The following ARID2 variants were observed in gnomAD, a reference collection of about 807,000 sequenced individuals.
The protein encoded by ARID2 is AT-rich interaction domain 2.
Under a neutral mutation model 184.6 loss-of-function variants are expected in ARID2, and 32 were observed. That is an observed-to-expected ratio of 0.17 (90% CI 0.13 to 0.23). The LOEUF is 0.23. ARID2 is among the 10% of genes least tolerant of loss of function. The pLI is 1.00. For missense variants in ARID2, 1,696 were observed against 2,197.6 expected (o/e 0.77, Z 4.56); for synonymous variants, 836 against 772.6 (o/e 1.08, Z -1.36).
At chr12:45,880,028 C>T (rs1944074178) in intron 16 of ARID2, among the ~76,000 whole-genome samples, 1 of 152,056 alleles carries the variant, frequency 6.6e-6, no homozygotes, top group Non-Finnish European at 1.5e-5. Context: ...TTAAGAAAGG[C>T]CCTCTACCTT....
At chr12:45,849,811 G>C (rs1246351248) in intron 14 of ARID2, 35 bp downstream of exon 14, 1 of 1,562,392 alleles carries the variant, frequency 6.4e-7, no homozygotes, top group South Asian at 1.2e-5. Context: ...AAGTATTACT[G>C]ATTTAATAAT....
Position 45,851,190 on chromosome 12 carries a change from C to T in ARID2, c.3067C>T (p.Pro1023Ser). ...GCAGCAACATTCACCAGCACCCCCA[C>T]CACAGCAGGTACAAGTACAAGTTCA... ...QQQQHSPAPP[P>S]QQVQVQVQQP... Residue 1023 changes from proline to serine, a missense_variant, in exon 15 of 21, where the codon CCA (proline) becomes TCA (serine). By Grantham distance (74) the Pro-to-Ser change is moderately conservative (BLOSUM62 -1). Around this residue, in one of 11 missense-constraint regions of ARID2, gnomAD observed 713 missense variants for 824.4 expected, o/e 0.86. Coordinates refer to ENST00000334344, the MANE Select transcript of ARID2 (RefSeq NM_152641.4). 2.5e-6 allele frequency: 4 copies of T among 1,614,142 alleles called. No individual in the cohort carries two copies. The highest frequency in any genetic ancestry group is 3.4e-6 in the Non-Finnish European group (4 of 1,180,012).
At chr12:45,825,694 C>T (rs981009189) in intron 6 of ARID2, among the ~76,000 whole-genome samples, 9 of 152,018 alleles carry the variant, frequency 5.9e-5, no homozygotes, top group Non-Finnish European at 1.3e-4. Flanking sequence ...GAGACCTCGT[C>T]TCTACAAAGA....
intron 4 of ARID2, among the ~76,000 whole-genome samples, chr12:45,814,508 GGT>G (rs1942770251): frequency 6.6e-6 from 1 of 152,112 alleles, no homozygotes; most frequent in South Asian, 2.1e-4. Flanking sequence ...AAATTGGCCA[GGT>G]GTGGTGTCGC....
intron 3 of ARID2, among the ~76,000 whole-genome samples, chr12:45,758,023 G>A (rs1449085894): frequency 6.6e-6 from 1 of 152,178 alleles, no homozygotes; most frequent in Non-Finnish European, 1.5e-5. Flanking sequence ...TGAATTCCCT[G>A]TGAAGACAAA....
chr12:45,773,738 T>G, intron 3 of ARID2, among the ~76,000 whole-genome samples: 1 of 152,178 alleles, frequency 6.6e-6, no homozygotes, highest in East Asian at 1.9e-4. Context: ...TTGAGTTAAT[T>G]ATTATTTTTT....
chr12:45,841,300 T>C (rs1235649730), intron 11 of ARID2: 1 of 152,180 alleles, frequency 6.6e-6, no homozygotes, highest in Non-Finnish European at 1.5e-5. Flanking sequence ...TTGGTCCTCA[T>C]TTGGCAAATG....
intron 16 of ARID2, among the ~76,000 whole-genome samples, chr12:45,891,133 C>T (rs1471718203): frequency 6.6e-6 from 1 of 151,326 alleles, no homozygotes; most frequent in African/African-American, 2.4e-5. Flanking sequence ...CCACTGCACT[C>T]CAGCCTGGCG....
At chr12:45,786,982 G>A (rs1296004315) in intron 3 of ARID2, among the ~76,000 whole-genome samples, 2 of 152,192 alleles carry the variant, frequency 1.3e-5, no homozygotes, top group South Asian at 2.1e-4. Flanking sequence ...GAGGCTGGAA[G>A]TTGTGGAGAT....
intron 3 of ARID2, among the ~76,000 whole-genome samples, chr12:45,774,666 T>G (rs1218884618): frequency 6.6e-6 from 1 of 152,182 alleles, no homozygotes; most frequent in Non-Finnish European, 1.5e-5. Flanking sequence ...CCTCCAAAGT[T>G]TCTAAACGTT....
intron 3 of ARID2, among the ~76,000 whole-genome samples, chr12:45,733,538 T>A (rs1464303724): frequency 6.6e-6 from 1 of 152,240 alleles, no homozygotes; most frequent in Non-Finnish European, 1.5e-5. Flanking sequence ...AATAATTTTT[T>A]AATATGAACT....
chr12:45,895,035 A>C, intron 20 of ARID2, among the ~76,000 whole-genome samples: 1 of 152,196 alleles, frequency 6.6e-6, no homozygotes, highest in Non-Finnish European at 1.5e-5. Context: ...CAGTTCAGAC[A>C]TGAGTTTCTT....
intron 16 of ARID2, among the ~76,000 whole-genome samples, chr12:45,875,929 C>T (rs1407517596): frequency 6.6e-6 from 1 of 152,262 alleles, no homozygotes; most frequent in Non-Finnish European, 1.5e-5. Context: ...GGCTCTTTCA[C>T]TTTCCTGACA....
intron 2 of ARID2, 68 bp from the exon 3 acceptor site, chr12:45,731,148 TA>T (rs1264828781): frequency 8.7e-7 from 1 of 1,153,632 alleles, no homozygotes; most frequent in Admixed American, 1.7e-5. Context: ...AATGGGTATT[TA>T]TTTCATAGTT....
At chr12:45,828,154 A>G (rs2138109751) in intron 6 of ARID2, among the ~76,000 whole-genome samples, 1 of 152,162 alleles carries the variant, frequency 6.6e-6, no homozygotes, top group East Asian at 1.9e-4. Context: ...ACACCTCTGA[A>G]GTACGCCTAT....
chr12:45,796,061 T>G (rs1414022999), intron 3 of ARID2, among the ~76,000 whole-genome samples: 8 of 151,966 alleles, frequency 5.3e-5, no homozygotes, highest in Admixed American at 2.6e-4. Context: ...TTAGATTTCT[T>G]TTTTTAAACC....
At position 45,896,360 on chromosome 12, in the gene ARID2, G is replaced by A. The variant is rs546015674; in HGVS notation, c.5363+2639G>A. Among the ~76,000 whole-genome samples the A allele has an allele frequency of 9.2e-5, 14 of 152,260 alleles. No homozygotes were observed. The East Asian group carries it at 1.4e-3, about 15-fold the overall frequency. On this transcript the variant is annotated intron_variant, in intron 20 of 20. Transcript: ENST00000334344. ...CAGTTTTCCAAAAGAAGGCTGATGC[G>A]GTTTGGCTGTGTCCCCACCCAGATC...
chr12:45,890,252 G>A (rs1351398658), intron 16 of ARID2, among the ~76,000 whole-genome samples: 1 of 152,182 alleles, frequency 6.6e-6, no homozygotes, highest in Non-Finnish European at 1.5e-5. Flanking sequence ...ATTGATTTAA[G>A]GAAGTGCTAT....
chr12:45,850,524 A>G lies in ARID2; in HGVS notation c.2401A>G (p.Met801Val), dbSNP rs2138162751. 1 of 1,614,066 alleles carries G rather than the reference A, an allele frequency of 6.2e-7. No individual in the cohort carries two copies. The highest frequency in any genetic ancestry group is 8.5e-7 in the Non-Finnish European group (1 of 1,179,982). ...TCAACAAGCTGTCCCACAGAGTCAT[A>G]TGTTTGGCAGAGTACAGAACATACC... ...VIQQAVPQSH[M>V]FGRVQNIPAC... is the part of the protein sequence containing the mutation. Residue 801 changes from methionine to valine, a missense_variant, in exon 15 of 21, where the codon ATG (methionine) becomes GTG (valine). Met to Val is a conservative substitution (Grantham distance 21). This residue lies in a region of ARID2 where 713 missense variants were observed against 824.4 expected (regional missense o/e 0.86). Transcript: ENST00000334344.
Sources: allele counts gnomAD v4.1 joint callset (sites outside exome capture counted in the v4.1 genomes callset), GRCh38; gene constraint gnomAD v4.1.1; regional missense constraint gnomAD v4.1.1; transcripts MANE v1.5; gene names NCBI Gene and HGNC (gene_info 2026-07-23, HGNC 2026-07-21).